Variants in TLE2 observed in about 807,000 individuals in gnomAD.
TLE2 encodes the protein transducin-like enhancer protein 2.
Under a neutral mutation model 97.2 loss-of-function variants are expected in TLE2, and 74 were observed. That is an observed-to-expected ratio of 0.76 (90% CI 0.63 to 0.92). The LOEUF (loss-of-function observed/expected upper bound fraction) is 0.92. Ranked by LOEUF, TLE2 falls within the 40% of genes least tolerant of loss-of-function variation. TLE2 has a pLI of 0.00. For missense variants in TLE2, 1,038 were observed against 1,008.7 expected (o/e 1.03, Z -0.39); for synonymous variants, 499 against 432.1 (o/e 1.15, Z -1.92).
Position 3,005,594 on chromosome 19 carries a change from G to T in TLE2, c.1749-10C>A. ...GTGGCCCTGGAACTGCCTGGAGGGA[G>T]AAGGGCCCAGGCGTCCATCCTGGAA... On this transcript the variant is annotated splice_polypyrimidine_tract_variant and intron_variant, in intron 16 of 19. Transcript: ENST00000262953. 6.2e-7 allele frequency: 1 copy of T among 1,612,914 alleles called. No homozygotes were observed. Among genetic ancestry groups the T allele is most frequent in the Non-Finnish European group, 8.5e-7 (1 of 1,179,500 alleles).
Position 3,028,352 on chromosome 19 carries a change from G to C in TLE2, c.153C>G (p.Ser51Arg). 6.2e-7 allele frequency: 1 copy of C among 1,609,074 alleles called. No homozygotes were observed. The highest frequency in any genetic ancestry group is 8.5e-7 in the Non-Finnish European group (1 of 1,177,646). Residue 51 changes from serine (S) to arginine (R), a missense_variant, in exon 3 of 20, where the codon AGC becomes AGG. Ser to Arg is a moderately radical substitution (Grantham distance 110). Transcript: ENST00000262953. ...AATGTCGCTGCATTTCCGTCTTCTC[G>C]CTGGCCAGCTTCTCACATTCTAGCT... ...SLKLECEKLASEKTEMQRHYV... is the reference protein window; with the variant it reads ...SLKLECEKLAREKTEMQRHYV...
At position 3,027,878 on chromosome 19, in the gene TLE2, A is replaced by C; in HGVS notation, c.187-5T>G. 6.2e-7 allele frequency: 1 copy of C among 1,609,634 alleles called. No homozygotes were observed. Reference sequence around the variant, plus strand: ...CCCGTACGACATCTCATAATACTGCAAAGGAAAAACCAAGTAAGAACGTCT... The same window carrying C: ...CCCGTACGACATCTCATAATACTGCCAAGGAAAAACCAAGTAAGAACGTCT... On this transcript the variant is annotated splice_polypyrimidine_tract_variant and splice_region_variant and intron_variant, in intron 3 of 19. Coordinates refer to ENST00000262953, the MANE Select transcript of TLE2 (RefSeq NM_003260.5).
chr19:3,018,485 G>T (rs10407150), intron 7 of TLE2, among the ~76,000 whole-genome samples: 1 of 151,354 alleles, frequency 6.6e-6, no homozygotes, highest in East Asian at 1.9e-4. Context: ...TAGAGACAAG[G>T]TTTCACCACG....
chr19:3,004,838 CAGA>C (rs1391549898), intron 17 of TLE2, among the ~76,000 whole-genome samples: 2 of 152,034 alleles, frequency 1.3e-5, no homozygotes, highest in African/African-American at 4.8e-5. Flanking sequence ...CCCTGAATGA[CAGA>C]AGAAGGAGCT....
At chr19:3,028,170 C>T (rs1210473953) in intron 3 of TLE2, 149 bp downstream of exon 3, 3 of 854,792 alleles carry the variant, frequency 3.5e-6, no homozygotes, top group Non-Finnish European at 5.7e-6. Flanking sequence ...GCTGGGAGGA[C>T]CCTCCTAGAG....
intron 14 of TLE2, among the ~76,000 whole-genome samples, chr19:3,007,642 G>A (rs142446093): frequency 1.6e-4 from 24 of 152,292 alleles, no homozygotes; most frequent in African/African-American, 5.5e-4. Context: ...AGGTTGTGGT[G>A]TGGCGCATGG....
At chr19:3,002,577 C>G (rs2089387474) in intron 17 of TLE2, 74 bp from the exon 18 acceptor site, 1 of 1,517,562 alleles carries the variant, frequency 6.6e-7, no homozygotes. Context: ...CTCACTCCGT[C>G]ACCCAGGCTG....
intron 1 of TLE2, among the ~76,000 whole-genome samples, chr19:3,045,482 C>T (rs2090134838): frequency 6.6e-6 from 1 of 152,158 alleles, no homozygotes; most frequent in African/African-American, 2.4e-5. Flanking sequence ...TCCTCCCCCA[C>T]CAGTCAGTGA....
upstream of TLE2, chr19:3,029,410 CCCTT>C: frequency 1.3e-6 from 1 of 748,250 alleles, no homozygotes; most frequent in Non-Finnish European, 1.6e-6. Flanking sequence ...GGCACCCGCC[CCCTT>C]CCTTCAGTCC....
At chr19:3,030,124 C>A (rs767816959), upstream of TLE2, among the ~76,000 whole-genome samples, 1 of 152,140 alleles carries the variant, frequency 6.6e-6, no homozygotes, top group Non-Finnish European at 1.5e-5. Context: ...TGAGATAGTG[C>A]ATGAACGCTG....
At chr19:3,028,234 T>A (rs1474571410) in intron 3 of TLE2, 85 bp downstream of exon 3, 2 of 1,376,274 alleles carry the variant, frequency 1.5e-6, no homozygotes, top group Non-Finnish European at 2.0e-6. Context: ...AGGTTCGGAG[T>A]GGGGCAGGGA....
chr19:3,016,470 G>GTC (rs1247952642), intron 8 of TLE2, among the ~76,000 whole-genome samples: 2 of 145,458 alleles, frequency 1.4e-5, no homozygotes, highest in Non-Finnish European at 3.0e-5. Flanking sequence ...GGCACTTGTA[G>GTC]TCCCAGCTAC....
At chr19:3,031,989 G>A (rs554442561), upstream of TLE2, among the ~76,000 whole-genome samples, 3 of 151,976 alleles carry the variant, frequency 2.0e-5, no homozygotes, top group South Asian at 2.1e-4. Flanking sequence ...GTGCAGTGGC[G>A]CGATCTCGGC....
intron 1 of TLE2, among the ~76,000 whole-genome samples, chr19:3,037,757 C>T (rs1328109240): frequency 6.6e-6 from 1 of 152,124 alleles, no homozygotes; most frequent in Non-Finnish European, 1.5e-5. Context: ...GTTTACTCTG[C>T]TTGGGTTTCC....
intron 10 of TLE2, among the ~76,000 whole-genome samples, chr19:3,014,367 C>T (rs1341479380): frequency 6.6e-6 from 1 of 152,118 alleles, no homozygotes; most frequent in Non-Finnish European, 1.5e-5. Context: ...CTCAGTGAAC[C>T]TGGGCTTGAA....
Position 3,019,863 on chromosome 19 carries a change from C to A in TLE2, c.295-90G>T. The A allele has an allele frequency of 2.0e-6, 3 of 1,481,074 alleles. No individual in the cohort carries two copies. The highest frequency in any genetic ancestry group is 2.7e-6 in the Non-Finnish European group (3 of 1,094,712). 91.7% of individuals were successfully genotyped at this position (1,481,074 alleles called of 1,614,324 possible). ...GGGGACCTGACCTCTCCCCGCCACC[C>A]TCTCATCTTTGCCCCGGTACTTCCC... On this transcript the variant is annotated intron_variant, in intron 5 of 19. Coordinates refer to ENST00000262953, the MANE Select transcript of TLE2 (RefSeq NM_003260.5). The surrounding 1 kb of genome is among the most constrained non-coding windows in gnomAD (Gnocchi z 5.1).
chr19:3,022,450 A>T (rs1599235647), intron 5 of TLE2, among the ~76,000 whole-genome samples: 2 of 149,564 alleles, frequency 1.3e-5, no homozygotes, highest in Non-Finnish European at 1.5e-5. Context: ...AATCGCTTGA[A>T]CCCAGGAGGC....
At chr19:3,025,409 CG>C (rs2089925858) in intron 4 of TLE2, 1 of 1,145,730 alleles carries the variant, frequency 8.7e-7, no homozygotes, top group Admixed American at 4.8e-5. Flanking sequence ...CCAACTCAGA[CG>C]CAGACACTCA....
intron 5 of TLE2, among the ~76,000 whole-genome samples, chr19:3,023,918 A>C (rs765558591): frequency 0.081 from 8,688 of 106,808 alleles, 287 homozygotes; most frequent in East Asian, 0.12. Flanking sequence ...AAAAGAAAAG[A>C]AAAAGAAAAA....
Sources: allele counts gnomAD v4.1 joint callset (sites outside exome capture counted in the v4.1 genomes callset), GRCh38; gene constraint gnomAD v4.1.1; non-coding constraint Gnocchi (gnomAD v3.1); transcripts MANE v1.5; gene names NCBI Gene and HGNC (gene_info 2026-07-23, HGNC 2026-07-21).